CARM1: variants seen among roughly 807,000 people sequenced by gnomAD.
CARM1 encodes the protein coactivator associated arginine methyltransferase 1.
CARM1 carries 14 observed loss-of-function variants against 72.7 expected under a neutral mutation model. The observed-to-expected ratio is 0.19, with a 90% CI of 0.13 to 0.30. The LOEUF is 0.30. CARM1 is among the 10% of genes least tolerant of loss of function. The pLI is 1.00. For missense variants in CARM1, 432 were observed against 833.7 expected (o/e 0.52, Z 5.93); for synonymous variants, 333 against 345.5 (o/e 0.96, Z 0.40).
At chr19:10,887,873 C>T (rs2073953217) in intron 1 of CARM1, among the ~76,000 whole-genome samples, 1 of 152,224 alleles carries the variant, frequency 6.6e-6, no homozygotes, top group African/African-American at 2.4e-5. Flanking sequence ...TGGAGCGCCC[C>T]CCTGTACTCC....
intron 8 of CARM1, chr19:10,919,320 T>G: frequency 4.9e-6 from 2 of 407,290 alleles, no homozygotes; most frequent in Admixed American, 4.2e-5. Flanking sequence ...TAATTATACA[T>G]GTAAGTTTGT....
chr19:10,907,945 C>T lies in CARM1; in HGVS notation c.347-94C>T, dbSNP rs17001049. On this transcript the variant is annotated intron_variant, in intron 2 of 15. Coordinates refer to ENST00000327064, the MANE Select transcript of CARM1 (RefSeq NM_199141.2). ...CAGCCCTGTATGTTCAAGGGAGAAA[C>T]GTCAGGACATACGGCCATCCAGAAC... is the stretch of plus-strand genomic sequence containing the variant. The T allele has an allele frequency of 1.9e-3, 1,457 of 759,838 alleles. 13 individuals are homozygous for T. The African/African-American group carries it at 0.023, about 12-fold the overall frequency. The allele number at this position is 759,838 out of a possible 1,614,324, so 47.1% of individuals were successfully genotyped here.
intron 1 of CARM1, among the ~76,000 whole-genome samples, chr19:10,874,545 A>G (rs931073739): frequency 6.6e-6 from 1 of 151,960 alleles, no homozygotes; most frequent in Non-Finnish European, 1.5e-5. Flanking sequence ...GGCATGTGCC[A>G]CACCCAGCTA....
chr19:10,923,071 G>A lies in CARM1; in HGVS notation c.*1314G>A. The A allele has an allele frequency of 3.9e-6, 2 of 513,820 alleles. No homozygotes were observed. Among genetic ancestry groups the A allele is most frequent in the Non-Finnish European group, 6.8e-6 (2 of 295,114 alleles). The allele number at this position is 513,820 out of a possible 1,614,324, so 31.8% of individuals were successfully genotyped here. A position where few individuals can be genotyped will look rare whatever the true frequency, so the allele number is the denominator to read the frequency against. On this transcript the variant is annotated 3_prime_UTR_variant, in exon 16 of 16. Transcript: ENST00000327064. ...GAAAATAAAAGTGTTTGCTTTGTAAGAAAAGTCTGGAAAGTAGCAGAATCA... is the reference window on the plus strand; with the variant it reads ...GAAAATAAAAGTGTTTGCTTTGTAAAAAAAGTCTGGAAAGTAGCAGAATCA...
chr19:10,872,126 G>GGCAAGGTGCCCAGAGTGA (rs1400420836), intron 1 of CARM1, among the ~76,000 whole-genome samples: 5 of 152,096 alleles, frequency 3.3e-5, no homozygotes, highest in Non-Finnish European at 7.4e-5. Flanking sequence ...TGGCCGGAGG[G>GGCAAGGTGCCCAGAGTGA]GCAAGGTGCC....
intron 1 of CARM1, among the ~76,000 whole-genome samples, chr19:10,890,565 G>A (rs947851547): frequency 6.0e-5 from 9 of 150,914 alleles, no homozygotes; most frequent in African/African-American, 1.9e-4. Context: ...ACCCCACCGC[G>A]CCTAGCCTAA....
At chr19:10,889,481 A>ATTTTT (rs35291257) in intron 1 of CARM1, among the ~76,000 whole-genome samples, 1 of 129,450 alleles carries the variant, frequency 7.7e-6, no homozygotes, top group African/African-American at 2.9e-5. Flanking sequence ...TGCCCGGCTA[A>ATTTTT]TTTTTTTTTT....
At chr19:10,897,062 A>C (rs551800768) in intron 1 of CARM1, among the ~76,000 whole-genome samples, 22 of 152,348 alleles carry the variant, frequency 1.4e-4, no homozygotes, top group Admixed American at 7.8e-4. Context: ...TTCCCCAGGA[A>C]GCACACAATA....
At chr19:10,914,943 G>T (rs1599708622) in intron 6 of CARM1, among the ~76,000 whole-genome samples, 1 of 152,330 alleles carries the variant, frequency 6.6e-6, no homozygotes, top group African/African-American at 2.4e-5. Flanking sequence ...TCTCATGCTA[G>T]GTATGTGAGC....
In CARM1 at chr19:10,896,595, C is replaced by T. The variant is rs1241095974; in HGVS notation, c.221-8356C>T. On this transcript the variant is annotated intron_variant, in intron 1 of 15. Coordinates refer to ENST00000327064, the MANE Select transcript of CARM1 (RefSeq NM_199141.2). The surrounding 1 kb of genome is among the most constrained non-coding windows in gnomAD (Gnocchi z 5.2). ...GGCCTCTTGCAGTCCCTCCACAGCG[C>T]CCCTACCCACATCAACCCACGTTTC... 6.6e-6 allele frequency among the ~76,000 whole-genome samples: 1 copy of T among 152,200 alleles called. No individual in the cohort carries two copies. The highest frequency in any genetic ancestry group is 1.5e-5 in the Non-Finnish European group (1 of 68,044).
intron 1 of CARM1, among the ~76,000 whole-genome samples, chr19:10,879,985 T>C (rs1438053988): frequency 1.3e-5 from 2 of 152,082 alleles, no homozygotes; most frequent in Non-Finnish European, 2.9e-5. Flanking sequence ...TGGCCCTCTG[T>C]GTAGGGGGTC....
In CARM1 at chr19:10,908,296, T is replaced by G. The variant is rs1407789075; in HGVS notation, c.453+151T>G. 8 of 596,448 alleles carry G rather than the reference T, an allele frequency of 1.3e-5. No homozygotes were observed. The Admixed American group carries it at 2.4e-4, about 18-fold the overall frequency. The allele number at this position is 596,448 out of a possible 1,614,324, so 36.9% of individuals were successfully genotyped here. On this transcript the variant is annotated intron_variant, in intron 3 of 15. Coordinates refer to ENST00000327064, the MANE Select transcript of CARM1 (RefSeq NM_199141.2). ...GCCATGTAGCCTTGGGCAGGTTTCC[T>G]CTGCTGGCTGGGCCTCAGTTTCCTC...
rs561208436 is a variant in CARM1, at chr19:10,873,908, G to C, written c.220+1986G>C. ...CCCGCCTTGGCCTCCCAAAGTGCTG[G>C]GATTACAGGCATGAGCCACCCCGCC... On this transcript the variant is annotated intron_variant, in intron 1 of 15. Coordinates refer to ENST00000327064, the MANE Select transcript of CARM1 (RefSeq NM_199141.2). 2.0e-5 allele frequency among the ~76,000 whole-genome samples: 3 copies of C among 152,030 alleles called. No individual in the cohort carries two copies. In the South Asian group the frequency reaches 6.2e-4, roughly 32 times the overall value.
intron 1 of CARM1, among the ~76,000 whole-genome samples, chr19:10,893,547 C>T (rs1289689446): frequency 6.6e-6 from 1 of 151,922 alleles, no homozygotes; most frequent in Non-Finnish European, 1.5e-5. Context: ...ACCGTGTTAG[C>T]CAGGATGGTC....
chr19:10,903,497 C>T (rs1384611063), intron 1 of CARM1, among the ~76,000 whole-genome samples: 2 of 152,040 alleles, frequency 1.3e-5, no homozygotes, highest in African/African-American at 4.8e-5. Context: ...AACCACAATA[C>T]CATTGTCACA....
chr19:10,893,014 C>T (rs928339033), intron 1 of CARM1, among the ~76,000 whole-genome samples: 12 of 151,912 alleles, frequency 7.9e-5, no homozygotes, highest in Non-Finnish European at 1.6e-4. Flanking sequence ...GGATTACAGG[C>T]GTGAGCCAAC....
intron 1 of CARM1, among the ~76,000 whole-genome samples, chr19:10,877,421 T>G (rs556625245): frequency 4.3e-4 from 66 of 152,240 alleles, no homozygotes; most frequent in Middle Eastern, 6.8e-3. Flanking sequence ...TATTTTTATC[T>G]GTGTTTGTAT....
At chr19:10,898,720 G>T (rs549397006) in intron 1 of CARM1, among the ~76,000 whole-genome samples, 2 of 152,336 alleles carry the variant, frequency 1.3e-5, no homozygotes, top group African/African-American at 2.4e-5. Flanking sequence ...GGGCCCCAAG[G>T]CTCCCTTCTA....
At chr19:10,909,298 T>C in intron 4 of CARM1, 91 bp downstream of exon 4, 1 of 812,330 alleles carries the variant, frequency 1.2e-6, no homozygotes, top group South Asian at 1.6e-5. Context: ...TTTCTCAGAT[T>C]AGAAATGCAT....
Sources: gnomAD v4.1 joint callset for allele counts (sites outside exome capture counted in the v4.1 genomes callset) on GRCh38, gnomAD v4.1.1 for gene constraint, Gnocchi (gnomAD v3.1) non-coding constraint, MANE v1.5 for transcripts, NCBI Gene and HGNC (gene_info 2026-07-23, HGNC 2026-07-21) for gene names.